Variants in TRPM6 observed in about 807,000 individuals in gnomAD.
The protein encoded by TRPM6 is transient receptor potential cation channel subfamily M member 6.
Under a neutral mutation model 247.6 loss-of-function variants are expected in TRPM6, and 111 were observed. That is an observed-to-expected ratio of 0.45 (90% CI 0.38 to 0.52). The LOEUF (loss-of-function observed/expected upper bound fraction) is 0.52, where lower values mean the gene tolerates loss of function less well. Ranked by LOEUF, TRPM6 falls within the 20% of genes least tolerant of loss-of-function variation. TRPM6 has a pLI of 0.00. For synonymous variants in TRPM6, 892 were observed against 853.8 expected (o/e 1.04, Z -0.78); for missense variants, 2,126 against 2,421.5 (o/e 0.88, Z 2.56).
chr9:74,841,871 C>A (rs369441323), intron 4 of TRPM6, among the ~76,000 whole-genome samples: 1 of 152,074 alleles, frequency 6.6e-6, no homozygotes, highest in African/African-American at 2.4e-5. Flanking sequence ...ACATCAGGAA[C>A]GGTGCAGCTA....
chr9:74,848,976 G>A (rs930142272), intron 3 of TRPM6, among the ~76,000 whole-genome samples: 2 of 152,154 alleles, frequency 1.3e-5, no homozygotes, highest in Admixed American at 1.3e-4. Flanking sequence ...TAGCTGTTAT[G>A]GACTGAATTG....
intron 3 of TRPM6, among the ~76,000 whole-genome samples, chr9:74,847,358 G>A (rs939343770): frequency 2.0e-5 from 3 of 151,966 alleles, no homozygotes; most frequent in Non-Finnish European, 4.4e-5. Flanking sequence ...CGACTATCAC[G>A]TCCGGCTAAT....
In TRPM6 at chr9:74,778,927, C is replaced by T. The variant is rs148846370; in HGVS notation, c.3210-2851G>A. Among the ~76,000 whole-genome samples, 1,439 of 152,254 alleles carry T rather than the reference C, an allele frequency of 9.5e-3. 16 individuals carry two copies. The highest frequency in any genetic ancestry group is 0.033 in the African/African-American group (1,373 of 41,554). ...CCTTCCCAAAGAGTCCAAAGAGCCTCCTGGTGACACCCACAGCAGGAGCAT... is the reference window on the plus strand; with the variant it reads ...CCTTCCCAAAGAGTCCAAAGAGCCTTCTGGTGACACCCACAGCAGGAGCAT... On this transcript the variant is annotated intron_variant, in intron 23 of 38. Coordinates refer to ENST00000360774, the MANE Select transcript of TRPM6 (RefSeq NM_017662.5).
At chr9:74,766,291 A>G (rs72730943) in intron 25 of TRPM6, among the ~76,000 whole-genome samples, 4,580 of 152,346 alleles carry the variant, frequency 0.03, 93 homozygotes, top group Admixed American at 0.046. Flanking sequence ...CGTGAAACAT[A>G]TTTTAATTAT....
intron 7 of TRPM6, chr9:74,826,809 G>A (rs11144104): frequency 0.057 from 8,280 of 145,262 alleles, 300 homozygotes; most frequent in Middle Eastern, 0.11. Context: ...GGCGATCTCA[G>A]CTCACTGTAA....
chr9:74,800,053 G>A (rs1213399353), intron 17 of TRPM6: 7 of 605,366 alleles, frequency 1.2e-5, no homozygotes, highest in African/African-American at 5.6e-5. Context: ...CGCAGAAGAC[G>A]ACCATCCCCG....
chr9:74,861,963 A>T (rs1207503692), intron 1 of TRPM6, among the ~76,000 whole-genome samples: 2 of 152,156 alleles, frequency 1.3e-5, no homozygotes, highest in African/African-American at 2.4e-5. Context: ...AGCAACAAAC[A>T]TGCTGAAAAT....
chr9:74,823,426 C>G (rs1829201994), intron 7 of TRPM6, among the ~76,000 whole-genome samples: 1 of 152,196 alleles, frequency 6.6e-6, no homozygotes, highest in Non-Finnish European at 1.5e-5. Flanking sequence ...ATTTAAATAT[C>G]TAGACGTATA....
intron 14 of TRPM6, among the ~76,000 whole-genome samples, chr9:74,807,631 T>A (rs1587528403): frequency 6.6e-6 from 1 of 152,316 alleles, no homozygotes; most frequent in East Asian, 1.9e-4. Flanking sequence ...ATCTCCAGAC[T>A]ATGGACTAGG....
intron 1 of TRPM6, among the ~76,000 whole-genome samples, chr9:74,864,035 T>A (rs1333517954): frequency 3.3e-5 from 5 of 152,272 alleles, no homozygotes; most frequent in African/African-American, 7.2e-5. Flanking sequence ...GTGGAACTGA[T>A]AACTGACTCC....
At chr9:74,738,775 G>C (rs548175485) in intron 35 of TRPM6, among the ~76,000 whole-genome samples, 163 bp from the exon 36 acceptor site, 6 of 152,192 alleles carry the variant, frequency 3.9e-5, no homozygotes, top group Admixed American at 1.3e-4. Context: ...GCAAATATTG[G>C]GAATTTTTCT....
At chr9:74,881,064 A>G (rs1249740697) in intron 1 of TRPM6, among the ~76,000 whole-genome samples, 1 of 152,092 alleles carries the variant, frequency 6.6e-6, no homozygotes, top group Non-Finnish European at 1.5e-5. Context: ...GGAGGCCCAA[A>G]TGGGAGGATC....
chr9:74,788,101 A>G (rs1156949542), intron 20 of TRPM6, among the ~76,000 whole-genome samples: 1 of 152,084 alleles, frequency 6.6e-6, no homozygotes, highest in Admixed American at 6.6e-5. Context: ...TTTGCCTCAG[A>G]GAGATTTCCA....
rs184560701 is a variant in TRPM6 at position 74,752,894 on chromosome 9, C to T, written c.4907-526G>A. Among the ~76,000 whole-genome samples, 217 of 152,170 alleles carry T rather than the reference C, an allele frequency of 1.4e-3. 1 individual carries two copies. Among genetic ancestry groups the T allele is most frequent in the Non-Finnish European group, 2.6e-3 (177 of 67,990 alleles). ...TTGGGAGGCCAAGGCGGGTGGATCA[C>T]CCGAGGTCAGGAGTTCAAAACCAGC... On this transcript the variant is annotated intron_variant, in intron 28 of 38. Transcript: ENST00000360774.
intron 5 of TRPM6, among the ~76,000 whole-genome samples, chr9:74,838,417 T>C (rs1259088024): frequency 1.3e-5 from 2 of 152,254 alleles, no homozygotes; most frequent in Non-Finnish European, 2.9e-5. Context: ...CTATTTGTGA[T>C]GGGCCAAATC....
At chr9:74,860,229 T>C (rs1470003947) in intron 1 of TRPM6, among the ~76,000 whole-genome samples, 2 of 152,228 alleles carry the variant, frequency 1.3e-5, no homozygotes, top group Admixed American at 1.3e-4. Context: ...TTATTCTTTT[T>C]GCATGCTCAG....
In TRPM6 at chr9:74,808,064, G is replaced by C; in HGVS notation, c.1608C>G (p.Ala536=). ...RSNYTRKHFR[A]LYNNLYRKYK... ...ATTTTCTGTAGAGGTTGTTGTAGAG[G>C]GCTCTGAAATGTTTTCTAGTGTAGT... is the stretch of plus-strand genomic sequence containing the variant. Residue 536 remains alanine, a synonymous_variant, in exon 14 of 39, where the codon GCC becomes GCG. Coordinates refer to ENST00000360774, the MANE Select transcript of TRPM6 (RefSeq NM_017662.5). The C allele has an allele frequency of 6.2e-7, 1 of 1,613,846 alleles. No individual in the cohort carries two copies. The highest frequency in any genetic ancestry group is 8.5e-7 in the Non-Finnish European group (1 of 1,179,894).
chr9:74,784,436 A>G (rs1371589139), intron 21 of TRPM6, among the ~76,000 whole-genome samples: 1 of 152,136 alleles, frequency 6.6e-6, no homozygotes, highest in East Asian at 1.9e-4. Context: ...TGTGTATAAT[A>G]ATACTACCTA....
chr9:74,782,288 G>A, intron 23 of TRPM6, 74 bp downstream of exon 23: 1 of 1,118,228 alleles, frequency 8.9e-7, no homozygotes, highest in Non-Finnish European at 1.3e-6. Flanking sequence ...CATACTCAAA[G>A]TACATGTGAA....
Sources: gnomAD v4.1 joint callset for allele counts (sites outside exome capture counted in the v4.1 genomes callset) on GRCh38, gnomAD v4.1.1 for gene constraint, MANE v1.5 for transcripts, NCBI Gene and HGNC (gene_info 2026-07-23, HGNC 2026-07-21) for gene names.